The following RAB3C variants were observed in gnomAD, a reference collection of about 807,000 sequenced individuals.
RAB3C encodes RAB3C, member RAS oncogene family.
RAB3C carries 17 observed loss-of-function variants against 26.4 expected under a neutral mutation model. That is an observed-to-expected ratio of 0.64 (90% CI 0.44 to 0.97). The LOEUF is 0.97. RAB3C is among the 50% of genes least tolerant of loss of function. The pLI is 0.00. For synonymous variants in RAB3C, 91 were observed against 95.9 expected (o/e 0.95, Z 0.30); for missense variants, 242 against 281.9 (o/e 0.86, Z 1.01).
At chr5:58,844,384 G>C (rs1743943055) in intron 4 of RAB3C, among the ~76,000 whole-genome samples, 1 of 152,158 alleles carries the variant, frequency 6.6e-6, no homozygotes, top group African/African-American at 2.4e-5. Flanking sequence ...AGTAGCACTA[G>C]CCTTTGGTTG....
rs1346970435 is a variant in RAB3C, at chr5:58,858,816, A to G, written c.*7465A>G. 1 of 152,208 alleles carries G rather than the reference A, an allele frequency of 6.6e-6. No homozygotes were observed. Among genetic ancestry groups the G allele is most frequent in the African/African-American group, 2.4e-5 (1 of 41,462 alleles). The allele number at this position is 152,208 out of a possible 1,614,324, so 9.4% of individuals were successfully genotyped here. On this transcript the variant is annotated 3_prime_UTR_variant, in exon 5 of 5. Transcript: ENST00000282878. ...GAGGAAGACAAGCTGTTGCATTATC[A>G]TATTCCTCTGTGCTGAGCAGCTCAA...
chr5:58,822,533 G>A (rs977485052), intron 3 of RAB3C: 1 of 190,370 alleles, frequency 5.3e-6, no homozygotes, highest in Non-Finnish European at 1.1e-5. Flanking sequence ...TAAGAATGAG[G>A]CCTATTTAAG....
intron 3 of RAB3C, among the ~76,000 whole-genome samples, chr5:58,796,612 G>A (rs1372401486): frequency 6.6e-6 from 1 of 152,144 alleles, no homozygotes; most frequent in Non-Finnish European, 1.5e-5. Flanking sequence ...GGGATGGCGA[G>A]GCACCTGGAG....
At chr5:58,607,304 A>ATT (rs1294391267) in intron 1 of RAB3C, among the ~76,000 whole-genome samples, 79 of 152,340 alleles carry the variant, frequency 5.2e-4, no homozygotes, top group Non-Finnish European at 1.5e-4. Context: ...AGTGGAAGAA[A>ATT]GGATATCAGT....
rs377196657 is a variant in RAB3C, at chr5:58,831,092, G to A, written c.496+5930G>A. ...GGGTCTTCACTATGTCACCCAGGCT[G>A]ATCTGGAACTCTTGGGTTCAAGCAA... On this transcript the variant is annotated intron_variant, in intron 4 of 4. Coordinates refer to ENST00000282878, the MANE Select transcript of RAB3C (RefSeq NM_138453.4). 3.9e-5 allele frequency among the ~76,000 whole-genome samples: 6 copies of A among 152,156 alleles called. No individual in the cohort carries two copies. In the East Asian group the frequency reaches 9.7e-4, roughly 25 times the overall value.
At chr5:58,680,776 A>T (rs1050822990) in intron 2 of RAB3C, among the ~76,000 whole-genome samples, 6 of 152,044 alleles carry the variant, frequency 3.9e-5, no homozygotes, top group Admixed American at 2.0e-4. Flanking sequence ...AGGATTTGTG[A>T]TTACTGTGGG....
intron 2 of RAB3C, among the ~76,000 whole-genome samples, chr5:58,724,110 C>T (rs186192455): frequency 6.6e-6 from 1 of 151,882 alleles, no homozygotes; most frequent in East Asian, 1.9e-4. Context: ...TTGCAAATGT[C>T]AAACTTCTGT....
intron 3 of RAB3C, among the ~76,000 whole-genome samples, chr5:58,800,346 G>T (rs1421711078): frequency 6.6e-6 from 1 of 152,134 alleles, no homozygotes; most frequent in African/African-American, 2.4e-5. Context: ...AGTGATTTAG[G>T]CAGGCAGGAG....
At chr5:58,819,963 G>C (rs1743302827) in intron 3 of RAB3C, among the ~76,000 whole-genome samples, 1 of 152,150 alleles carries the variant, frequency 6.6e-6, no homozygotes, top group Non-Finnish European at 1.5e-5. Context: ...GCTCGTACAT[G>C]CACTAACTTG....
chr5:58,803,286 G>T (rs984749199), intron 3 of RAB3C, among the ~76,000 whole-genome samples: 1 of 152,232 alleles, frequency 6.6e-6, no homozygotes, highest in Admixed American at 6.5e-5. Flanking sequence ...AGCTGTTAAT[G>T]AAGTGAGATA....
intron 2 of RAB3C, among the ~76,000 whole-genome samples, chr5:58,666,079 G>C (rs2111815275): frequency 6.6e-6 from 1 of 152,288 alleles, no homozygotes; most frequent in East Asian, 1.9e-4. Flanking sequence ...TAGATGATGG[G>C]CTGTACTATA....
At chr5:58,730,229 C>T (rs1456569387) in intron 3 of RAB3C, among the ~76,000 whole-genome samples, 2 of 151,318 alleles carry the variant, frequency 1.3e-5, no homozygotes, top group African/African-American at 4.9e-5. Context: ...TCCTTTTTGA[C>T]ATAATAACTA....
chr5:58,738,299 A>T (rs187224102), intron 3 of RAB3C, among the ~76,000 whole-genome samples: 12 of 152,324 alleles, frequency 7.9e-5, no homozygotes, highest in African/African-American at 2.9e-4. Flanking sequence ...AAAAAAATGT[A>T]AAGCCTTGAA....
intron 2 of RAB3C, among the ~76,000 whole-genome samples, chr5:58,690,820 G>A (rs2111858024): frequency 6.6e-6 from 1 of 152,182 alleles, no homozygotes; most frequent in South Asian, 2.1e-4. Context: ...TAGTTAGGTG[G>A]AGATCATTAA....
intron 3 of RAB3C, among the ~76,000 whole-genome samples, chr5:58,749,351 T>A (rs1318174044): frequency 6.6e-6 from 1 of 152,220 alleles, no homozygotes; most frequent in Non-Finnish European, 1.5e-5. Context: ...TTAACATTTA[T>A]CTAATATCCA....
At chr5:58,656,980 A>C (rs1420010040) in intron 2 of RAB3C, among the ~76,000 whole-genome samples, 1 of 152,070 alleles carries the variant, frequency 6.6e-6, no homozygotes, top group Non-Finnish European at 1.5e-5. Flanking sequence ...TCGTGGAACC[A>C]ACTCAAATGC....
At chr5:58,622,586 A>T (rs2111732179) in intron 2 of RAB3C, among the ~76,000 whole-genome samples, 1 of 152,302 alleles carries the variant, frequency 6.6e-6, no homozygotes, top group Non-Finnish European at 1.5e-5. Flanking sequence ...TTGGAGACCT[A>T]GTACATTGAG....
chr5:58,757,062 A>C (rs1741684287), intron 3 of RAB3C, among the ~76,000 whole-genome samples: 1 of 151,956 alleles, frequency 6.6e-6, no homozygotes, highest in South Asian at 2.1e-4. Context: ...TCCCACCAAC[A>C]GTGTAAAAGT....
intron 3 of RAB3C, among the ~76,000 whole-genome samples, chr5:58,755,942 TTTTTAA>T (rs1741646515): frequency 6.6e-6 from 1 of 152,232 alleles, no homozygotes; most frequent in African/African-American, 2.4e-5. Context: ...CATACAAGTA[TTTTTAA>T]TGAAATAATT....
Sources: allele counts gnomAD v4.1 joint callset (sites outside exome capture counted in the v4.1 genomes callset), GRCh38; gene constraint gnomAD v4.1.1; transcripts MANE v1.5; gene names NCBI Gene and HGNC (gene_info 2026-07-23, HGNC 2026-07-21).